Variants in ADGRL3 observed in about 807,000 individuals in gnomAD.
ADGRL3 encodes the protein calcium-independent alpha-latrotoxin receptor 3.
ADGRL3 carries 62 observed loss-of-function variants against 153.5 expected under a neutral mutation model. The ratio of observed to expected loss-of-function variants is 0.40; its 90% CI spans 0.33 to 0.50. The LOEUF is 0.50. Among genes scored for constraint, ADGRL3 ranks in the 20% least tolerant of loss-of-function variants. The pLI is 0.47. For synonymous variants in ADGRL3, 710 were observed against 672.5 expected (o/e 1.06, Z -0.86); for missense variants, 1,641 against 1,859.4 (o/e 0.88, Z 2.16).
At chr4:61,644,426 T>C (rs1312768220) in intron 5 of ADGRL3, among the ~76,000 whole-genome samples, 1 of 152,190 alleles carries the variant, frequency 6.6e-6, no homozygotes, top group African/African-American at 2.4e-5. Context: ...TGTGGGCATT[T>C]AGCGCTATAA....
At chr4:61,314,411 G>T (rs1015032523) in intron 1 of ADGRL3, among the ~76,000 whole-genome samples, 10 of 152,028 alleles carry the variant, frequency 6.6e-5, no homozygotes, top group African/African-American at 2.2e-4. Context: ...GTTTCTCCAC[G>T]TTGTTCAGGC....
chr4:61,354,782 C>G (rs2096129378), intron 1 of ADGRL3, among the ~76,000 whole-genome samples: 2 of 152,098 alleles, frequency 1.3e-5, no homozygotes, highest in African/African-American at 4.8e-5. Context: ...GTATACATTT[C>G]AATTTATCAG....
Position 62,058,623 on chromosome 4 carries a change from G to C in ADGRL3, c.3815-9543G>C, listed in dbSNP as rs946144731. Among the ~76,000 whole-genome samples the C allele has an allele frequency of 2.0e-5, 3 of 151,914 alleles. 1 individual carries two copies. The highest frequency in any genetic ancestry group is 4.1e-4 in the South Asian group (2 of 4,830). ...ACATATGTAATATTGTAACTATCTC[G>C]TCCTCCCTGAGCCCCCAAAATTCAC... On this transcript the variant is annotated intron_variant, in intron 25 of 26. Coordinates refer to ENST00000683033, the MANE Select transcript of ADGRL3 (RefSeq NM_001387552.1).
intron 6 of ADGRL3, among the ~76,000 whole-genome samples, chr4:61,692,285 G>A (rs1188902745): frequency 2.6e-5 from 4 of 151,672 alleles, no homozygotes; most frequent in African/African-American, 7.3e-5. Flanking sequence ...GTCCAAGTTG[G>A]CAATTCTTTT....
chr4:61,412,391 A>G (rs971681733), intron 2 of ADGRL3, among the ~76,000 whole-genome samples: 8 of 152,172 alleles, frequency 5.3e-5, no homozygotes, highest in African/African-American at 1.9e-4. Flanking sequence ...CCAGGCCAGT[A>G]CACTCAATTC....
intron 9 of ADGRL3, among the ~76,000 whole-genome samples, chr4:61,864,577 A>G (rs890045867): frequency 6.6e-6 from 1 of 152,198 alleles, no homozygotes; most frequent in African/African-American, 2.4e-5. Context: ...CCAAAAACAC[A>G]TGCAGAAACT....
chr4:61,697,754 G>A (rs2151246907), intron 6 of ADGRL3, among the ~76,000 whole-genome samples: 2 of 152,236 alleles, frequency 1.3e-5, no homozygotes, highest in East Asian at 3.9e-4. Context: ...GTAAGTGGCA[G>A]AGGTATTTTC....
intron 2 of ADGRL3, among the ~76,000 whole-genome samples, chr4:61,476,519 A>C (rs201515574): frequency 6.6e-6 from 1 of 152,106 alleles, no homozygotes; most frequent in East Asian, 1.9e-4. Flanking sequence ...CAGCCTGACC[A>C]ACATGGAGAA....
chr4:61,395,529 A>G (rs985239199), intron 2 of ADGRL3, among the ~76,000 whole-genome samples: 3 of 151,942 alleles, frequency 2.0e-5, no homozygotes, highest in African/African-American at 7.2e-5. Flanking sequence ...TTACTGTATT[A>G]TGTTATTTCA....
intron 21 of ADGRL3, among the ~76,000 whole-genome samples, chr4:62,018,381 G>C (rs544752516): frequency 1.3e-5 from 2 of 152,228 alleles, no homozygotes; most frequent in South Asian, 2.1e-4. Context: ...AGGAGTCTCT[G>C]ATATAAGACT....
At chr4:61,465,992 T>G (rs1318298515) in intron 2 of ADGRL3, among the ~76,000 whole-genome samples, 1 of 151,458 alleles carries the variant, frequency 6.6e-6, no homozygotes, top group Non-Finnish European at 1.5e-5. Context: ...CGTGGCAGCA[T>G]GTACTTGTAA....
chr4:61,584,970 G>A (rs1057116039), intron 4 of ADGRL3, among the ~76,000 whole-genome samples: 1 of 151,926 alleles, frequency 6.6e-6, no homozygotes, highest in Non-Finnish European at 1.5e-5. Context: ...TTTTATTTTA[G>A]GGACAACAGA....
intron 9 of ADGRL3, among the ~76,000 whole-genome samples, chr4:61,886,156 G>T (rs920937634): frequency 6.6e-6 from 1 of 152,116 alleles, no homozygotes; most frequent in African/African-American, 2.4e-5. Flanking sequence ...GTATTAAAAT[G>T]AATTCTGAAG....
At chr4:61,847,811 T>TTA (rs1336135273) in intron 9 of ADGRL3, among the ~76,000 whole-genome samples, 1 of 9,548 alleles carries the variant, frequency 1.0e-4, no homozygotes, top group African/African-American at 2.7e-4. Flanking sequence ...ATAAAATATA[T>TTA]TATATATATA....
At chr4:61,994,836 G>GTATATATACACACTATAT (rs2099116274) in intron 19 of ADGRL3, among the ~76,000 whole-genome samples, 1 of 151,054 alleles carries the variant, frequency 6.6e-6, no homozygotes, top group Non-Finnish European at 1.5e-5. Context: ...TGTTTAACAT[G>GTATATATACACACTATAT]TATATATACA....
At chr4:61,824,041 G>C (rs564623049) in intron 9 of ADGRL3, among the ~76,000 whole-genome samples, 2 of 147,332 alleles carry the variant, frequency 1.4e-5, no homozygotes, top group Non-Finnish European at 3.0e-5. Context: ...CAGTCTGGGC[G>C]ACAGAGCGAG....
chr4:61,323,970 A>C (rs563982097), intron 1 of ADGRL3, among the ~76,000 whole-genome samples: 2 of 152,322 alleles, frequency 1.3e-5, no homozygotes, highest in South Asian at 2.1e-4. Context: ...TTACAGTTTC[A>C]TGTGGCTGAG....
At chr4:62,013,665 G>A (rs1340854680) in intron 21 of ADGRL3, among the ~76,000 whole-genome samples, 4 of 151,978 alleles carry the variant, frequency 2.6e-5, no homozygotes, top group South Asian at 2.1e-4. Flanking sequence ...TGAGGTGGGC[G>A]GATCACGAGA....
intron 1 of ADGRL3, among the ~76,000 whole-genome samples, chr4:61,379,666 C>T (rs2096644934): frequency 1.3e-5 from 2 of 152,034 alleles, no homozygotes; most frequent in South Asian, 4.2e-4. Context: ...GTAGGTGATG[C>T]CACATAATAT....
Sources: gnomAD v4.1 joint callset for allele counts (sites outside exome capture counted in the v4.1 genomes callset) on GRCh38, gnomAD v4.1.1 for gene constraint, MANE v1.5 for transcripts, NCBI Gene and HGNC (gene_info 2026-07-23, HGNC 2026-07-21) for gene names.